The following ACSL3 variants were observed in gnomAD, a reference collection of about 807,000 sequenced individuals.
ACSL3 encodes acyl-CoA synthetase long chain family member 3, also known as fatty acid CoA ligase Acsl3.
In ACSL3, 34 loss-of-function variants were observed where a neutral mutation model predicts 84.7. That is an observed-to-expected ratio of 0.40 (90% confidence interval 0.31 to 0.53). ACSL3 has a LOEUF of 0.53. Ranked by LOEUF, ACSL3 falls within the 20% of genes least tolerant of loss-of-function variation. The probability of loss-of-function intolerance (pLI) is 0.48; values close to 1 mark genes in which losing one functional copy is unlikely to be tolerated. For synonymous variants in ACSL3, 315 were observed against 299.4 expected (o/e 1.05, Z -0.54); for missense variants, 680 against 873.1 (o/e 0.78, Z 2.79).
intron 16 of ACSL3, among the ~76,000 whole-genome samples, chr2:222,936,892 C>T (rs1697185897): frequency 6.6e-6 from 1 of 151,990 alleles, no homozygotes; most frequent in African/African-American, 2.4e-5. Flanking sequence ...GGGGGAAGAG[C>T]CCCTAAAACC....
intron 3 of ACSL3, among the ~76,000 whole-genome samples, chr2:222,901,704 T>C (rs746850840): frequency 2.6e-5 from 4 of 151,942 alleles, no homozygotes; most frequent in Non-Finnish European, 5.9e-5. Context: ...CCCAGCACTT[T>C]GGGAGGCCAA....
intron 16 of ACSL3, among the ~76,000 whole-genome samples, chr2:222,937,060 T>C (rs1697191731): frequency 6.6e-6 from 1 of 152,164 alleles, no homozygotes; most frequent in Non-Finnish European, 1.5e-5. Context: ...GAACTAAACC[T>C]TATCAGGACA....
Position 222,901,892 on chromosome 2 carries a change from C to T in ACSL3, c.-41+1112C>T, listed in dbSNP as rs532970751. 5.6e-5 allele frequency among the ~76,000 whole-genome samples: 8 copies of T among 142,434 alleles called. No individual in the cohort carries two copies. In the South Asian group the frequency reaches 8.9e-4, roughly 16 times the overall value. The allele number at this position is 142,434 out of a possible 152,430, so 93.4% of individuals were successfully genotyped here. On this transcript the variant is annotated intron_variant, in intron 3 of 16. Coordinates refer to ENST00000357430, the MANE Select transcript of ACSL3 (RefSeq NM_004457.5). ...CCCGGAGGCGAAGGTTGTAGTGAGC[C>T]GAGATCGCGCCACTGCACTCCAGCC...
chr2:222,915,530 G>C (rs1218326915), intron 4 of ACSL3, among the ~76,000 whole-genome samples: 1 of 149,668 alleles, frequency 6.7e-6, no homozygotes, highest in Non-Finnish European at 1.5e-5. Flanking sequence ...TTTTTATACA[G>C]TCCGTATGTA....
intron 13 of ACSL3, among the ~76,000 whole-genome samples, chr2:222,929,530 C>G (rs1574564260): frequency 6.6e-6 from 1 of 152,096 alleles, no homozygotes; most frequent in African/African-American, 2.4e-5. Flanking sequence ...TCCTGTAATC[C>G]CAGCACTTTG....
At chr2:222,938,650 T>C (rs1356552708) in intron 16 of ACSL3, among the ~76,000 whole-genome samples, 2 of 152,154 alleles carry the variant, frequency 1.3e-5, no homozygotes, top group African/African-American at 4.8e-5. Flanking sequence ...TTTGAGCTGC[T>C]TGAATTTATA....
chr2:222,912,911 A>G (rs914237997), intron 4 of ACSL3, among the ~76,000 whole-genome samples: 1 of 152,358 alleles, frequency 6.6e-6, no homozygotes, highest in African/African-American at 2.4e-5. Flanking sequence ...CTGTGTCAGC[A>G]TCACCTGATT....
At chr2:222,888,271 A>G (rs984929887) in intron 2 of ACSL3, among the ~76,000 whole-genome samples, 1 of 152,190 alleles carries the variant, frequency 6.6e-6, no homozygotes, top group Admixed American at 6.5e-5. Flanking sequence ...TGTAGTTTCA[A>G]GGGCTTTTTG....
chr2:222,899,558 C>T (rs1465527237), intron 2 of ACSL3, among the ~76,000 whole-genome samples: 1 of 152,104 alleles, frequency 6.6e-6, no homozygotes, highest in Non-Finnish European at 1.5e-5. Context: ...AGGGAAGGTT[C>T]TCGGATCTTG....
intron 8 of ACSL3, among the ~76,000 whole-genome samples, chr2:222,921,884 GT>G (rs1372170055): frequency 6.6e-6 from 1 of 152,172 alleles, no homozygotes; most frequent in Non-Finnish European, 1.5e-5. Context: ...CCAGATGGAA[GT>G]TTGAGGGACT....
At chr2:222,877,182 G>T (rs1327911360) in intron 1 of ACSL3, among the ~76,000 whole-genome samples, 3 of 152,174 alleles carry the variant, frequency 2.0e-5, no homozygotes, top group African/African-American at 7.2e-5. Flanking sequence ...AGCTCAAGGG[G>T]ATTGGAGTTC....
intron 5 of ACSL3, chr2:222,916,788 CCT>C (rs2106124456): frequency 4.4e-6 from 1 of 226,384 alleles, no homozygotes; most frequent in African/African-American, 2.3e-5. Context: ...TCTCAGGAAT[CCT>C]CTTTAGAAGT....
chr2:222,916,579 T>G (rs1356773692), intron 5 of ACSL3, 83 bp downstream of exon 5: 7 of 1,384,988 alleles, frequency 5.1e-6, no homozygotes, highest in Non-Finnish European at 6.7e-6. Context: ...GTTAAAATTC[T>G]GATGTTAATT....
chr2:222,899,694 C>T (rs760344133), intron 2 of ACSL3, among the ~76,000 whole-genome samples: 10 of 151,994 alleles, frequency 6.6e-5, no homozygotes, highest in Non-Finnish European at 4.4e-5. Flanking sequence ...AGAGGAGGAA[C>T]GCGCCCACCC....
rs781151470 is a variant in ACSL3, at chr2:222,941,677, T to G, written c.*23T>G. 15 of 1,604,464 alleles carry G rather than the reference T, an allele frequency of 9.3e-6. No homozygotes were observed. In the Admixed American group the frequency reaches 1.7e-4, roughly 18 times the overall value. On this transcript the variant is annotated 3_prime_UTR_variant, in exon 17 of 17. Transcript: ENST00000357430. ...TAATTATTCTCTTCTGGCATCAGTT[T>G]GCTACAGTGAGCTCAGATCAAATAG...
chr2:222,894,778 C>T (rs1405419402), intron 2 of ACSL3, among the ~76,000 whole-genome samples: 3 of 152,160 alleles, frequency 2.0e-5, no homozygotes, highest in African/African-American at 7.2e-5. Context: ...AGAAGTTCTT[C>T]TAGGTCAATG....
intron 1 of ACSL3, among the ~76,000 whole-genome samples, chr2:222,867,144 T>C (rs1274596367): frequency 6.6e-6 from 1 of 152,144 alleles, no homozygotes; most frequent in African/African-American, 2.4e-5. Flanking sequence ...AGAATTTTCT[T>C]TTTGGACTTG....
chr2:222,901,240 T>A (rs947722072), intron 3 of ACSL3, among the ~76,000 whole-genome samples: 6 of 152,212 alleles, frequency 3.9e-5, no homozygotes, highest in African/African-American at 1.4e-4. Flanking sequence ...TGAGTTAACT[T>A]TTTGTATGGT....
At chr2:222,911,055 T>TTC (rs1439946247) in intron 4 of ACSL3, among the ~76,000 whole-genome samples, 17 of 127,116 alleles carry the variant, frequency 1.3e-4, no homozygotes, top group East Asian at 3.8e-4. Flanking sequence ...CTTTTTTTTT[T>TTC]TTTTTTTTTT....
Sources: allele counts gnomAD v4.1 joint callset (sites outside exome capture counted in the v4.1 genomes callset), GRCh38; gene constraint gnomAD v4.1.1; transcripts MANE v1.5; gene names NCBI Gene and HGNC (gene_info 2026-07-23, HGNC 2026-07-21).